The following SORCS2 variants were observed in gnomAD, a reference collection of about 807,000 sequenced individuals.
SORCS2 encodes sortilin related VPS10 domain containing receptor 2, also known as VPS10 domain-containing receptor SorCS2.
SORCS2 carries 100 observed loss-of-function variants against 141.6 expected under a neutral mutation model. The observed-to-expected ratio is 0.71, with a 90% CI of 0.60 to 0.83. The LOEUF (loss-of-function observed/expected upper bound fraction) is 0.83. SORCS2 is among the 40% of genes least tolerant of loss of function. The pLI, the probability that SORCS2 is intolerant of heterozygous loss-of-function variation, is 0.00. For synonymous variants in SORCS2, 789 were observed against 676.9 expected (o/e 1.17, Z -2.57); for missense variants, 1,646 against 1,560.2 (o/e 1.05, Z -0.93).
rs1291811762 is a variant in SORCS2 at position 7,193,019 on chromosome 4, G to A, written c.373G>A (p.Gly125Arg). 2.7e-6 allele frequency: 4 copies of A among 1,493,082 alleles called. No homozygotes were observed. The highest frequency in any genetic ancestry group is 1.8e-4 in the Middle Eastern group (1 of 5,648). 92.5% of individuals were successfully genotyped at this position (1,493,082 alleles called of 1,614,324 possible). ...CTGGGAGCGGGCGGCGCCGCTGGCC[G>A]GAGTGGCTTCGCGGGCGCAGGTCTC... ...RRWERAAPLA[G>R]VASRAQVSLI... Residue 125 changes from glycine to arginine, a missense_variant, in exon 1 of 27, where the codon GGA becomes AGA. Gly to Arg is a moderately radical substitution (Grantham distance 125). Transcript: ENST00000507866. This position sits in a 1 kb window ranked among gnomAD's most constrained non-coding sequence, Gnocchi z 4.8.
chr4:7,407,329 T>A (rs2109143153), intron 2 of SORCS2, among the ~76,000 whole-genome samples: 1 of 152,246 alleles, frequency 6.6e-6, no homozygotes, highest in Non-Finnish European at 1.5e-5. Context: ...CCTTTAGATT[T>A]ATTAATGTTT....
rs535672891 is a variant in SORCS2 at position 7,314,548 on chromosome 4, C to G, written c.481-81740C>G. Among the ~76,000 whole-genome samples, 4 of 152,174 alleles carry G rather than the reference C, an allele frequency of 2.6e-5. No homozygotes were observed. The East Asian group carries it at 7.8e-4, about 30-fold the overall frequency. On this transcript the variant is annotated intron_variant, in intron 1 of 26. Coordinates refer to ENST00000507866, the MANE Select transcript of SORCS2 (RefSeq NM_020777.3). ...TGGAGATGGGGTTTCACCGTGTTAG[C>G]CAGGATGTTCTCCATCTCCTGACCT...
chr4:7,733,810 T>A (rs1283219283), intron 24 of SORCS2, among the ~76,000 whole-genome samples: 1 of 152,168 alleles, frequency 6.6e-6, no homozygotes, highest in Non-Finnish European at 1.5e-5. Context: ...CACACCAGCA[T>A]CAACATAGCC....
intron 3 of SORCS2, among the ~76,000 whole-genome samples, chr4:7,545,701 C>T (rs1713203792): frequency 6.6e-6 from 1 of 151,870 alleles, no homozygotes; most frequent in African/African-American, 2.4e-5. Flanking sequence ...TCTCACCCCA[C>T]AGGCCCTGGA....
chr4:7,310,892 C>A (rs1718140175), intron 1 of SORCS2, among the ~76,000 whole-genome samples: 1 of 152,222 alleles, frequency 6.6e-6, no homozygotes, highest in Admixed American at 6.5e-5. Context: ...GAACAACATA[C>A]CAGCTTTCTG....
chr4:7,239,533 C>T (rs975423151), intron 1 of SORCS2, among the ~76,000 whole-genome samples: 9 of 152,224 alleles, frequency 5.9e-5, no homozygotes, highest in South Asian at 2.1e-4. Flanking sequence ...GCTACTGTCA[C>T]CAGGCTGCTG....
In SORCS2 at chr4:7,479,507, A is replaced by G. The variant is rs947186538; in HGVS notation, c.549-52023A>G. Among the ~76,000 whole-genome samples, 22 of 152,330 alleles carry G rather than the reference A, an allele frequency of 1.4e-4. 1 individual carries two copies. The South Asian group carries it at 3.1e-3, about 22-fold the overall frequency. On this transcript the variant is annotated intron_variant, in intron 2 of 26. Transcript: ENST00000507866. ...CTTTGCAATGTGCAGAGTTTGGACA[A>G]CCCAGCCCTGAGGCATTAGCCCCTT...
At chr4:7,444,790 G>A (rs759724453) in intron 2 of SORCS2, among the ~76,000 whole-genome samples, 10 of 152,258 alleles carry the variant, frequency 6.6e-5, no homozygotes, top group South Asian at 2.1e-4. Flanking sequence ...CTCAGGTGGC[G>A]ACCGTAGGTG....
chr4:7,342,730 G>T (rs1720435027), intron 1 of SORCS2, among the ~76,000 whole-genome samples: 1 of 152,218 alleles, frequency 6.6e-6, no homozygotes, highest in Admixed American at 6.5e-5. Context: ...AAAGTTTCAT[G>T]TAAAATAATC....
At chr4:7,603,940 A>T (rs942632937) in intron 3 of SORCS2, among the ~76,000 whole-genome samples, 2 of 152,168 alleles carry the variant, frequency 1.3e-5, no homozygotes, top group African/African-American at 4.8e-5. Flanking sequence ...TTTTAGTTTT[A>T]ATAAATAAAA....
intron 8 of SORCS2, among the ~76,000 whole-genome samples, chr4:7,670,784 G>A (rs1722751935): frequency 6.7e-6 from 1 of 150,238 alleles, no homozygotes; most frequent in South Asian, 2.1e-4. Flanking sequence ...TGTGTCCCTA[G>A]AGCAGCGTGC....
intron 1 of SORCS2, among the ~76,000 whole-genome samples, chr4:7,271,181 A>T (rs751035422): frequency 1.3e-5 from 2 of 152,180 alleles, no homozygotes; most frequent in Admixed American, 6.5e-5. Flanking sequence ...GCCCAGCAGC[A>T]GCCAGAAGGA....
intron 1 of SORCS2, among the ~76,000 whole-genome samples, chr4:7,367,915 G>A (rs1029730890): frequency 1.3e-5 from 2 of 152,178 alleles, no homozygotes; most frequent in East Asian, 1.9e-4. Flanking sequence ...CCTGCCACCC[G>A]GGCCAGTCCA....
intron 3 of SORCS2, among the ~76,000 whole-genome samples, chr4:7,542,419 CAG>C (rs1712752750): frequency 6.6e-6 from 1 of 152,140 alleles, no homozygotes; most frequent in East Asian, 1.9e-4. Context: ...AGAAGAGACT[CAG>C]AGACAGACAA....
intron 2 of SORCS2, among the ~76,000 whole-genome samples, chr4:7,496,417 A>T: frequency 7.7e-6 from 1 of 129,946 alleles, no homozygotes; most frequent in African/African-American, 2.8e-5. Flanking sequence ...CTTTCTGGAA[A>T]GCTACTGGAG....
rs935421419 is a variant in SORCS2 at position 7,478,407 on chromosome 4, C to T, written c.549-53123C>T. Among the ~76,000 whole-genome samples the T allele has an allele frequency of 9.9e-5, 15 of 152,124 alleles. No homozygotes were observed. The East Asian group carries it at 1.6e-3, about 16-fold the overall frequency. ...CACACCCCCTTATTTAAAAGAGTAC[C>T]GCCACCCCCACCGTCCCCACCCGTA... is the stretch of plus-strand genomic sequence containing the variant. On this transcript the variant is annotated intron_variant, in intron 2 of 26. Transcript: ENST00000507866.
chr4:7,736,963 C>T (rs1712228888), intron 25 of SORCS2, 106 bp from the exon 26 acceptor site: 2 of 1,407,874 alleles, frequency 1.4e-6, no homozygotes, highest in Non-Finnish European at 9.6e-7. Context: ...GTGCTGTGGG[C>T]ACCGTGCACC....
At chr4:7,427,207 C>T (rs1164044452) in intron 2 of SORCS2, among the ~76,000 whole-genome samples, 1 of 151,990 alleles carries the variant, frequency 6.6e-6, no homozygotes, top group East Asian at 1.9e-4. Flanking sequence ...ACCTAGGGGG[C>T]CTCTCGGTAG....
chr4:7,413,231 C>T (rs1321109163), intron 2 of SORCS2, among the ~76,000 whole-genome samples: 2 of 151,962 alleles, frequency 1.3e-5, no homozygotes, highest in Non-Finnish European at 2.9e-5. Context: ...AAAACAATCC[C>T]CTGTGTTAAC....
Sources: gnomAD v4.1 joint callset for allele counts (sites outside exome capture counted in the v4.1 genomes callset) on GRCh38, gnomAD v4.1.1 for gene constraint, Gnocchi (gnomAD v3.1) non-coding constraint, MANE v1.5 for transcripts, NCBI Gene and HGNC (gene_info 2026-07-23, HGNC 2026-07-21) for gene names.